PRKG1: variants seen among roughly 807,000 people sequenced by gnomAD.
PRKG1 encodes the protein protein kinase cGMP-dependent 1, also known as cGMP-dependent protein kinase 1.
PRKG1 carries 35 observed loss-of-function variants against 88.1 expected under a neutral mutation model. The ratio of observed to expected loss-of-function variants is 0.40; its 90% confidence interval spans 0.30 to 0.53. The LOEUF is 0.53. PRKG1 is among the 20% of genes least tolerant of loss of function. The pLI is 0.59. For missense variants in PRKG1, 540 were observed against 839.8 expected, an observed-to-expected ratio of 0.64 and a Z score of 4.41; for synonymous variants, 303 against 292.5, an observed-to-expected ratio of 1.04 and a Z score of -0.37.
intron 2 of PRKG1, among the ~76,000 whole-genome samples, chr10:51,233,204 C>T (rs922931514): frequency 2.0e-5 from 3 of 152,160 alleles, no homozygotes; most frequent in African/African-American, 2.4e-5. Context: ...ATTGTCACTC[C>T]GGTTTCTCTG....
In PRKG1 at chr10:51,268,230, G is replaced by A. The variant is rs562746916; in HGVS notation, c.478+114900G>A. Reference sequence around the variant, plus strand: ...GATCACAGGACCACAGGACCAGGGCGAAATTAAAATTGCTAATGAAGTTTG... The same window carrying A: ...GATCACAGGACCACAGGACCAGGGCAAAATTAAAATTGCTAATGAAGTTTG... On this transcript the variant is annotated intron_variant, in intron 2 of 17. Transcript: ENST00000373980. Among the ~76,000 whole-genome samples the A allele has an allele frequency of 1.5e-4, 23 of 152,248 alleles. No individual in the cohort carries two copies. The Middle Eastern group carries it at 0.014, about 90-fold the overall frequency.
chr10:51,611,833 G>A (rs1838917715), intron 3 of PRKG1, among the ~76,000 whole-genome samples: 1 of 152,002 alleles, frequency 6.6e-6, no homozygotes, highest in Non-Finnish European at 1.5e-5. Context: ...AGATAGAAAT[G>A]CAGTTTCATT....
chr10:51,839,381 C>T (rs187503728), intron 4 of PRKG1, among the ~76,000 whole-genome samples: 183 of 152,240 alleles, frequency 1.2e-3, no homozygotes, highest in African/African-American at 4.1e-3. Flanking sequence ...CCCCCATGCC[C>T]ACCCCACCTC....
chr10:52,195,035 G>A (rs532653094), intron 9 of PRKG1, among the ~76,000 whole-genome samples: 1 of 152,276 alleles, frequency 6.6e-6, no homozygotes, highest in Non-Finnish European at 1.5e-5. Context: ...TTAAATGCCT[G>A]AGAGATATTT....
intron 4 of PRKG1, among the ~76,000 whole-genome samples, chr10:51,867,122 G>A (rs1198614260): frequency 6.6e-6 from 1 of 152,138 alleles, no homozygotes; most frequent in Non-Finnish European, 1.5e-5. Context: ...AAGGTACAGA[G>A]CAGAGGAAAA....
At chr10:51,998,388 C>T (rs930154896) in intron 5 of PRKG1, among the ~76,000 whole-genome samples, 2 of 152,052 alleles carry the variant, frequency 1.3e-5, no homozygotes, top group Admixed American at 1.3e-4. Flanking sequence ...CAACAAATAC[C>T]CCTAGGCTGA....
chr10:51,494,456 G>C (rs997451164), intron 3 of PRKG1, among the ~76,000 whole-genome samples: 1 of 152,204 alleles, frequency 6.6e-6, no homozygotes, highest in African/African-American at 2.4e-5. Context: ...TAGTATAAAT[G>C]ATAGTAGGGA....
chr10:51,840,172 T>C (rs1233282419), intron 4 of PRKG1, among the ~76,000 whole-genome samples: 1 of 152,154 alleles, frequency 6.6e-6, no homozygotes, highest in Non-Finnish European at 1.5e-5. Context: ...AGAACAGTGG[T>C]GTACATAAAT....
In PRKG1 at chr10:51,547,797, C is replaced by T. The variant is rs916683422; in HGVS notation, c.592+79961C>T. 4.6e-5 allele frequency among the ~76,000 whole-genome samples: 7 copies of T among 152,164 alleles called. 1 individual carries two copies. Among genetic ancestry groups the T allele is most frequent in the South Asian group, 4.1e-4 (2 of 4,832 alleles). On this transcript the variant is annotated intron_variant, in intron 3 of 17. Transcript: ENST00000373980. ...TTGTATTGTCTCTTAAATTGAGAAA[C>T]TTTATAATTTCAAAGTATGTTCTAC...
At chr10:51,970,074 C>T (rs546929489) in intron 5 of PRKG1, among the ~76,000 whole-genome samples, 92 of 149,846 alleles carry the variant, frequency 6.1e-4, no homozygotes, top group African/African-American at 2.2e-3. Context: ...ATATATTTTT[C>T]TTTAATTCCC....
intron 5 of PRKG1, among the ~76,000 whole-genome samples, chr10:51,998,224 G>GT (rs1202912455): frequency 5.9e-5 from 9 of 151,678 alleles, no homozygotes; most frequent in Non-Finnish European, 1.2e-4. Context: ...GTTTTGCTTT[G>GT]TTTTTTTCAT....
chr10:51,911,633 G>A (rs531278863), intron 5 of PRKG1, among the ~76,000 whole-genome samples: 1 of 152,288 alleles, frequency 6.6e-6, no homozygotes, highest in East Asian at 1.9e-4. Flanking sequence ...AAAATGCAAA[G>A]TAGACATGTA....
At chr10:51,641,591 C>G (rs1361575670) in intron 3 of PRKG1, among the ~76,000 whole-genome samples, 1 of 151,982 alleles carries the variant, frequency 6.6e-6, no homozygotes, top group Non-Finnish European at 1.5e-5. Context: ...AATGGGCATT[C>G]TTTCTTAGGC....
chr10:52,031,813 G>A (rs896769576), intron 5 of PRKG1, among the ~76,000 whole-genome samples: 2 of 152,148 alleles, frequency 1.3e-5, no homozygotes, highest in Non-Finnish European at 2.9e-5. Flanking sequence ...GCTATGTTAA[G>A]GATGATCTTT....
chr10:51,390,520 T>C (rs10997320), intron 2 of PRKG1, among the ~76,000 whole-genome samples: 49,503 of 152,190 alleles, frequency 0.33, 9,083 homozygotes, highest in South Asian at 0.42. Flanking sequence ...AGGATAGCTT[T>C]GAAGATAACA....
chr10:52,177,550 T>C (rs1295938918), intron 9 of PRKG1, among the ~76,000 whole-genome samples: 2 of 152,130 alleles, frequency 1.3e-5, no homozygotes, highest in Admixed American at 1.3e-4. Context: ...TCCACTTCCA[T>C]TTTTGGAATA....
chr10:51,822,549 A>G (rs1839776708), intron 4 of PRKG1, among the ~76,000 whole-genome samples: 2 of 152,116 alleles, frequency 1.3e-5, no homozygotes, highest in African/African-American at 4.8e-5. Context: ...TTTTGTAAAT[A>G]CCCCTCTACT....
chr10:51,241,578 A>G (rs1839153696), intron 2 of PRKG1, among the ~76,000 whole-genome samples: 1 of 152,178 alleles, frequency 6.6e-6, no homozygotes, highest in African/African-American at 2.4e-5. Context: ...CTCCTAAGGC[A>G]AGAATAAACA....
At chr10:51,621,845 G>A (rs757909966) in intron 3 of PRKG1, among the ~76,000 whole-genome samples, 2 of 152,168 alleles carry the variant, frequency 1.3e-5, no homozygotes, top group East Asian at 3.9e-4. Context: ...TAATCGACTT[G>A]TTTCTCCTTT....
Sources: gnomAD v4.1 joint callset for allele counts (sites outside exome capture counted in the v4.1 genomes callset) on GRCh38, gnomAD v4.1.1 for gene constraint, MANE v1.5 for transcripts, NCBI Gene and HGNC (gene_info 2026-07-23, HGNC 2026-07-21) for gene names.